The following IL18R1 variants were observed in gnomAD, a reference collection of about 807,000 sequenced individuals.
IL18R1 encodes interleukin 18 receptor 1.
In IL18R1, 40 loss-of-function variants were observed where a neutral mutation model predicts 48.5. The observed-to-expected ratio is 0.82, with a 90% CI of 0.64 to 1.07. The LOEUF is 1.07. Among genes scored for constraint, IL18R1 ranks in the 50% least tolerant of loss-of-function variants. IL18R1 has a pLI of 0.00. For missense variants in IL18R1, 596 were observed against 633.7 expected (o/e 0.94, Z 0.64); for synonymous variants, 232 against 225.9 (o/e 1.03, Z -0.24).
chr2:102,396,972 C>T lies in IL18R1; in HGVS notation c.*86C>T, dbSNP rs3771157. ...CCTGTTCATAACAAAGGCTGTGACT[C>T]GAAATAATTAACTTTGTCAAAATCC... On this transcript the variant is annotated 3_prime_UTR_variant, in exon 11 of 11. Coordinates refer to ENST00000233957, the MANE Select transcript of IL18R1 (RefSeq NM_003855.5). 2.6e-6 allele frequency: 2 copies of T among 763,686 alleles called. No homozygotes were observed. The highest frequency in any genetic ancestry group is 3.1e-5 in the Admixed American group (1 of 32,158). The allele number at this position is 763,686 out of a possible 1,614,324, so 47.3% of individuals were successfully genotyped here.
intron 9 of IL18R1, among the ~76,000 whole-genome samples, chr2:102,390,517 G>A (rs1406157045): frequency 6.6e-6 from 1 of 152,112 alleles, no homozygotes; most frequent in African/African-American, 2.4e-5. Flanking sequence ...GTGTCTTTGT[G>A]CATGCATCAC....
chr2:102,356,991 A>T (rs1432296936), intron 1 of IL18R1, among the ~76,000 whole-genome samples: 1 of 152,190 alleles, frequency 6.6e-6, no homozygotes, highest in Non-Finnish European at 1.5e-5. Context: ...TATTCATTTC[A>T]CTGACTTCCC....
chr2:102,390,886 G>A (rs543971778), intron 9 of IL18R1, among the ~76,000 whole-genome samples: 4 of 148,162 alleles, frequency 2.7e-5, no homozygotes, highest in East Asian at 3.9e-4. Context: ...AGTGAGTCGG[G>A]ATCGCGCCGC....
rs145374869 is a variant in IL18R1, at chr2:102,379,677, G to A, written c.626-1943G>A. ...TTCCTTTTCCTGGGTAGAGGGCAGA[G>A]GGTCTTAAGACTTACTGTCAGACCA... On this transcript the variant is annotated intron_variant, in intron 5 of 10. Transcript: ENST00000233957. Among the ~76,000 whole-genome samples the A allele has an allele frequency of 1.0e-3, 157 of 152,248 alleles. 2 individuals are homozygous for A. In the East Asian group the frequency reaches 0.025, roughly 25 times the overall value.
chr2:102,363,516 A>G (rs1678708733), intron 2 of IL18R1, among the ~76,000 whole-genome samples: 1 of 152,218 alleles, frequency 6.6e-6, no homozygotes, highest in Non-Finnish European at 1.5e-5. Flanking sequence ...AGAATGAGGT[A>G]GATCTTCATT....
chr2:102,393,730 A>G (rs1014695043), intron 9 of IL18R1, among the ~76,000 whole-genome samples: 11 of 152,158 alleles, frequency 7.2e-5, no homozygotes, highest in African/African-American at 2.7e-4. Context: ...AAGGTAGACC[A>G]TTCCCCACTA....
intron 8 of IL18R1, 58 bp downstream of exon 8, chr2:102,387,058 T>A: frequency 6.5e-7 from 1 of 1,537,882 alleles, no homozygotes. Flanking sequence ...CTGAGAGACA[T>A]TTCAAAGATG....
chr2:102,390,012 G>A (rs912211172), intron 8 of IL18R1, 44 bp from the exon 9 acceptor site: 1 of 1,601,014 alleles, frequency 6.2e-7, no homozygotes, highest in Non-Finnish European at 8.5e-7. Flanking sequence ...ACACTGGTAA[G>A]ATTTCTTGAT....
At chr2:102,390,030 T>G in intron 8 of IL18R1, 26 bp from the exon 9 acceptor site, 1 of 1,611,292 alleles carries the variant, frequency 6.2e-7, no homozygotes. Flanking sequence ...GATTATTTTC[T>G]TTTCCTTTTT....
In IL18R1 at chr2:102,367,906, A is replaced by T; in HGVS notation, c.140A>T (p.His47Leu). Residue 47 changes from histidine to leucine, a missense_variant, in exon 3 of 11, where the codon CAT becomes CTT. His to Leu is a moderately conservative substitution (Grantham distance 99). Around this residue, in one of 3 missense-constraint regions of IL18R1, gnomAD observed 360 missense variants for 339.4 expected, o/e 1.06. Transcript: ENST00000233957. ...AAACATTGCTCGTGTTCACTTGCACATGAGATTGAAACAACCACCAAAAGC... is the reference window on the plus strand; with the variant it reads ...AAACATTGCTCGTGTTCACTTGCACTTGAGATTGAAACAACCACCAAAAGC... ...YLKHCSCSLAHEIETTTKSWY... is the reference protein window; with the variant it reads ...YLKHCSCSLALEIETTTKSWY... 1 of 1,614,202 alleles carries T rather than the reference A, an allele frequency of 6.2e-7. No individual in the cohort carries two copies. Among genetic ancestry groups the T allele is most frequent in the South Asian group, 1.1e-5 (1 of 91,086 alleles).
intron 9 of IL18R1, among the ~76,000 whole-genome samples, chr2:102,390,543 G>C (rs1212799471): frequency 6.6e-6 from 1 of 152,102 alleles, no homozygotes; most frequent in Non-Finnish European, 1.5e-5. Context: ...TATCTTTATA[G>C]TACATACACT....
At chr2:102,359,712 G>A (rs10176664) in intron 1 of IL18R1, among the ~76,000 whole-genome samples, 66,732 of 152,048 alleles carry the variant, frequency 0.44, 16,423 homozygotes, top group African/African-American at 0.66. Flanking sequence ...TATTGAGTGA[G>A]AGAATATGAA....
intron 1 of IL18R1, among the ~76,000 whole-genome samples, chr2:102,359,095 G>C (rs1678426580): frequency 6.6e-6 from 1 of 152,134 alleles, no homozygotes; most frequent in Admixed American, 6.5e-5. Flanking sequence ...ACTTGCAGTA[G>C]AGTGCTCAGG....
At position 102,394,371 on chromosome 2, in the gene IL18R1, A is replaced by C. The variant is rs539660495; in HGVS notation, c.1112-98A>C. 7.3e-6 allele frequency: 7 copies of C among 955,664 alleles called. No individual in the cohort carries two copies. The East Asian group carries it at 1.9e-4, about 25-fold the overall frequency. 59.2% of individuals were successfully genotyped at this position (955,664 alleles called of 1,614,324 possible). On this transcript the variant is annotated intron_variant, in intron 9 of 10. Coordinates refer to ENST00000233957, the MANE Select transcript of IL18R1 (RefSeq NM_003855.5). ...AACTTTATATATAATTTGTTTTTTC[A>C]ATGATTCTATACTCATTACTTACGA...
chr2:102,381,230 T>G (rs115931431), intron 5 of IL18R1, among the ~76,000 whole-genome samples: 6 of 152,206 alleles, frequency 3.9e-5, no homozygotes, highest in African/African-American at 1.4e-4. Context: ...TCAACCTGTC[T>G]TGGCCCTGCA....
intron 6 of IL18R1, among the ~76,000 whole-genome samples, chr2:102,384,340 G>A (rs1371478973): frequency 6.6e-6 from 1 of 152,196 alleles, no homozygotes; most frequent in Non-Finnish European, 1.5e-5. Flanking sequence ...TGCAGCTGCC[G>A]AGAGCTTCAC....
chr2:102,378,945 C>T (rs1053785593), intron 5 of IL18R1, among the ~76,000 whole-genome samples: 6 of 152,136 alleles, frequency 3.9e-5, no homozygotes, highest in African/African-American at 9.7e-5. Context: ...GTTCTGAGCT[C>T]GTGCCTTCTC....
rs775336633 is a variant in IL18R1, at chr2:102,377,561, C to T, written c.625+1498C>T. Among the ~76,000 whole-genome samples the T allele has an allele frequency of 1.4e-3, 209 of 152,372 alleles. 1 individual carries two copies. The highest frequency in any genetic ancestry group is 2.3e-3 in the Non-Finnish European group (159 of 68,038). ...TCGATCTCCTGACCTCGTGATCCCCCTGCCTTGGTCTCCCAAAGTACTGGG... is the reference window on the plus strand; with the variant it reads ...TCGATCTCCTGACCTCGTGATCCCCTTGCCTTGGTCTCCCAAAGTACTGGG... On this transcript the variant is annotated intron_variant, in intron 5 of 10. Coordinates refer to ENST00000233957, the MANE Select transcript of IL18R1 (RefSeq NM_003855.5).
At chr2:102,369,545 T>C (rs1371374237) in intron 3 of IL18R1, among the ~76,000 whole-genome samples, 2 of 152,166 alleles carry the variant, frequency 1.3e-5, no homozygotes, top group Non-Finnish European at 2.9e-5. Flanking sequence ...GCTTTGACAA[T>C]GGCCTTGAAA....
Sources: allele counts gnomAD v4.1 joint callset (sites outside exome capture counted in the v4.1 genomes callset), GRCh38; gene constraint gnomAD v4.1.1; regional missense constraint gnomAD v4.1.1; transcripts MANE v1.5; gene names NCBI Gene and HGNC (gene_info 2026-07-23, HGNC 2026-07-21).